ZNF576: variants seen among roughly 807,000 people sequenced by gnomAD.
The protein encoded by ZNF576 is zinc finger protein 576.
ZNF576 carries 9 observed loss-of-function variants against 10.8 expected under a neutral mutation model. The observed-to-expected ratio is 0.84, with a 90% confidence interval of 0.50 to 1.46. ZNF576 has a LOEUF of 1.46. ZNF576 is among the 40% of genes most tolerant of loss of function. ZNF576 has a pLI of 0.00. For missense variants in ZNF576, 191 were observed against 233.7 expected (o/e 0.82, Z 1.19); for synonymous variants, 88 against 89.6 (o/e 0.98, Z 0.10).
In ZNF576 at chr19:43,599,136, C is replaced by T. The variant is rs137898797; in HGVS notation, c.391C>T (p.Arg131Cys). ...GCAGGCTGTTTCTCTGAGGCGGCAC[C>T]GCCAGATGCATGAGGTCCGTGCCCC... The part of the protein sequence containing the change: ...FGQAVSLRRH[R>C]QMHEVRAPPG... The change falls in exon 3 of 3, where the codon CGC (arginine) becomes TGC (cysteine). Residue 131 changes from arginine (R) to cysteine (C), a missense_variant. By Grantham distance (180) the Arg-to-Cys change is radical (BLOSUM62 -3). Coordinates refer to ENST00000336564, the MANE Select transcript of ZNF576 (RefSeq NM_001145347.2). The T allele has an allele frequency of 5.0e-4, 809 of 1,614,240 alleles. No homozygotes were observed. The highest frequency in any genetic ancestry group is 6.5e-4 in the Non-Finnish European group (764 of 1,180,042).
In ZNF576 at chr19:43,597,130, G is replaced by C. The variant is rs1307907151; in HGVS notation, c.22G>C (p.Glu8Gln). 6.2e-7 allele frequency: 1 copy of C among 1,614,018 alleles called. No individual in the cohort carries two copies. Among genetic ancestry groups the C allele is most frequent in the African/African-American group, 1.3e-5 (1 of 74,910 alleles). Residue 8 changes from glutamate to glutamine, a missense_variant, in exon 2 of 3, where the codon GAG becomes CAG. Coordinates refer to ENST00000336564, the MANE Select transcript of ZNF576 (RefSeq NM_001145347.2). ...CACCATGGAGGACCCGAACCCTGAA[G>C]AGAACATGAAGCAGCAGGATTCACC... Reference protein sequence around the residue: MEDPNPEENMKQQDSPKE... With the variant: MEDPNPEQNMKQQDSPKE...
rs897187217 is a variant in ZNF576 at position 43,600,940 on chromosome 19, G to A, written c.*1682G>A. 7.9e-5 allele frequency: 12 copies of A among 152,168 alleles called. No individual in the cohort carries two copies. The highest frequency in any genetic ancestry group is 1.5e-4 in the Non-Finnish European group (10 of 68,046). 9.4% of individuals were successfully genotyped at this position (152,168 alleles called of 1,614,324 possible). On this transcript the variant is annotated 3_prime_UTR_variant, in exon 3 of 3. Coordinates refer to ENST00000336564, the MANE Select transcript of ZNF576 (RefSeq NM_001145347.2). The stretch of plus-strand genomic sequence containing the variant: ...GCCATCTCAGACCATAAGGATAAGA[G>A]CAACACGTGGGAAGACAGAGCAACA...
chr19:43,598,159 T>C (rs1973170339), intron 2 of ZNF576, among the ~76,000 whole-genome samples: 1 of 152,152 alleles, frequency 6.6e-6, no homozygotes, highest in South Asian at 2.1e-4. Context: ...GATAGGAGGA[T>C]GTTTGGTCAT....
rs764070357 is a variant in ZNF576, at chr19:43,599,073, C to A, written c.328C>A (p.Pro110Thr). ...TLPVATTTAQ[P>T]TFPCPDCGKT... ...GCCGGTTGCAACCACTACTGCCCAGCCCACCTTCCCTTGTCCTGACTGTGG... is the reference window on the plus strand; with the variant it reads ...GCCGGTTGCAACCACTACTGCCCAGACCACCTTCCCTTGTCCTGACTGTGG... Residue 110 changes from proline (P) to threonine (T), a missense_variant, in exon 3 of 3, where the codon CCC becomes ACC. Coordinates refer to ENST00000336564, the MANE Select transcript of ZNF576 (RefSeq NM_001145347.2). The A allele has an allele frequency of 1.9e-6, 3 of 1,614,254 alleles. No individual in the cohort carries two copies. Among genetic ancestry groups the A allele is most frequent in the Non-Finnish European group, 8.5e-7 (1 of 1,180,046 alleles).
At chr19:43,598,347 G>A (rs1356849957) in intron 2 of ZNF576, among the ~76,000 whole-genome samples, 1 of 152,136 alleles carries the variant, frequency 6.6e-6, no homozygotes, top group Non-Finnish European at 1.5e-5. Context: ...CCTGGATGTC[G>A]GGCTGGATTT....
chr19:43,597,048 G>GT, intron 1 of ZNF576, 46 bp from the exon 2 acceptor site: 1 of 1,571,574 alleles, frequency 6.4e-7, no homozygotes, highest in Non-Finnish European at 8.8e-7. Context: ...TCTAAGACTG[G>GT]TAACAGATGA....
Position 43,599,208 on chromosome 19 carries a change from G to C in ZNF576, c.463G>C (p.Glu155Gln). 1 of 1,614,226 alleles carries C rather than the reference G, an allele frequency of 6.2e-7. No individual in the cohort carries two copies. The highest frequency in any genetic ancestry group is 8.5e-7 in the Non-Finnish European group (1 of 1,180,038). Residue 155 changes from glutamate to glutamine, a missense_variant, in exon 3 of 3, where the codon GAA becomes CAA. Coordinates refer to ENST00000336564, the MANE Select transcript of ZNF576 (RefSeq NM_001145347.2). ...AGAGTGCGGTCAGGACTTTGCTCAGGAAGCAGGGCTGCATCAACACTACAT... is the reference window on the plus strand; with the variant it reads ...AGAGTGCGGTCAGGACTTTGCTCAGCAAGCAGGGCTGCATCAACACTACAT... The part of the protein sequence containing the change: ...CTECGQDFAQ[E>Q]AGLHQHYIRH...
rs756617351 is a variant in ZNF576 at position 43,599,280 on chromosome 19, G to A, written c.*22G>A. The A allele has an allele frequency of 1.7e-5, 27 of 1,595,300 alleles. No homozygotes were observed. The highest frequency in any genetic ancestry group is 1.7e-4 in the Middle Eastern group (1 of 6,024). On this transcript the variant is annotated 3_prime_UTR_variant, in exon 3 of 3. Coordinates refer to ENST00000336564, the MANE Select transcript of ZNF576 (RefSeq NM_001145347.2). ...CTGAGTGCAGCTTAAGCCTCTCCACGGTGACGGGTGGCTCTGTGGCTGGTA... is the reference window on the plus strand; with the variant it reads ...CTGAGTGCAGCTTAAGCCTCTCCACAGTGACGGGTGGCTCTGTGGCTGGTA...
Position 43,599,631 on chromosome 19 carries a change from T to C in ZNF576, c.*373T>C, listed in dbSNP as rs1476366486. 2 of 203,438 alleles carry C rather than the reference T, an allele frequency of 9.8e-6. No homozygotes were observed. The highest frequency in any genetic ancestry group is 2.0e-5 in the Non-Finnish European group (2 of 100,802). 12.6% of individuals were successfully genotyped at this position (203,438 alleles called of 1,614,324 possible). ...CATGGGCTATGGGAGCAAATTGCCCTGGACCTTTGCCTGAATGGGGGCAGG... is the reference window on the plus strand; with the variant it reads ...CATGGGCTATGGGAGCAAATTGCCCCGGACCTTTGCCTGAATGGGGGCAGG... On this transcript the variant is annotated 3_prime_UTR_variant, in exon 3 of 3. Coordinates refer to ENST00000336564, the MANE Select transcript of ZNF576 (RefSeq NM_001145347.2).
rs565116327 is a variant in ZNF576 at position 43,597,140 on chromosome 19, A to C, written c.32A>C (p.Lys11Thr). Residue 11 changes from lysine (K) to threonine (T), a missense_variant, in exon 2 of 3, where the codon AAG (lysine) becomes ACG (threonine). Physicochemically the swap from Lys to Thr is moderately conservative, Grantham distance 78 (BLOSUM62 -1). Coordinates refer to ENST00000336564, the MANE Select transcript of ZNF576 (RefSeq NM_001145347.2). ...GACCCGAACCCTGAAGAGAACATGA[A>C]GCAGCAGGATTCACCCAAGGAGAGA... Reference protein sequence around the residue: MEDPNPEENMKQQDSPKERSP... With the variant: MEDPNPEENMTQQDSPKERSP... 2.3e-5 allele frequency: 37 copies of C among 1,613,978 alleles called. No homozygotes were observed. Among genetic ancestry groups the C allele is most frequent in the Non-Finnish European group, 3.1e-5 (37 of 1,180,006 alleles).
Position 43,598,909 on chromosome 19 carries a change from G to A in ZNF576, c.164G>A (p.Arg55Gln), listed in dbSNP as rs1490971536. The A allele has an allele frequency of 3.7e-6, 6 of 1,611,546 alleles. No individual in the cohort carries two copies. The highest frequency in any genetic ancestry group is 2.2e-5 in the South Asian group (2 of 90,948). ...DSKFQERHMK[R>Q]EHPADFVAQK... ...AAGTTCCAGGAGCGTCACATGAAGC[G>A]GGAGCACCCAGCGGACTTCGTGGCC... The change falls in exon 3 of 3, where the codon CGG becomes CAG. Residue 55 changes from arginine to glutamine, a missense_variant. Coordinates refer to ENST00000336564, the MANE Select transcript of ZNF576 (RefSeq NM_001145347.2).
intron 2 of ZNF576, among the ~76,000 whole-genome samples, chr19:43,598,502 T>C (rs543016809): frequency 6.6e-6 from 1 of 152,104 alleles, no homozygotes; most frequent in Non-Finnish European, 1.5e-5. Flanking sequence ...GGAGGTGAGA[T>C]TCAATCCCAA....
chr19:43,596,842 A>G (rs1359088363), intron 1 of ZNF576, 99 bp downstream of exon 1: 1 of 350,198 alleles, frequency 2.9e-6, no homozygotes, highest in Non-Finnish European at 5.3e-6. Context: ...AGTTTGATGC[A>G]GCAGGTCATA....
Position 43,597,149 on chromosome 19 carries a change from A to T in ZNF576, c.41A>T (p.Asp14Val). Residue 14 changes from aspartate (D) to valine (V), a missense_variant, in exon 2 of 3, where the codon GAT becomes GTT. Transcript: ENST00000336564. ...PNPEENMKQQ[D>V]SPKERSPQSP... is the part of the protein sequence containing the mutation. ...CCTGAAGAGAACATGAAGCAGCAGG[A>T]TTCACCCAAGGAGAGAAGTCCCCAG... 6.8e-6 allele frequency: 11 copies of T among 1,614,092 alleles called. No individual in the cohort carries two copies. The highest frequency in any genetic ancestry group is 9.3e-6 in the Non-Finnish European group (11 of 1,179,984).
chr19:43,597,218 AGAG>A, intron 2 of ZNF576, 25 bp downstream of exon 2: 1 of 1,607,642 alleles, frequency 6.2e-7, no homozygotes, highest in Non-Finnish European at 8.5e-7. Flanking sequence ...CTGGCGGGCT[AGAG>A]GAGGGTGGGG....
Position 43,599,228 on chromosome 19 carries a change from C to A in ZNF576, c.483C>A (p.His161Gln). The A allele has an allele frequency of 6.2e-7, 1 of 1,614,050 alleles. No homozygotes were observed. The highest frequency in any genetic ancestry group is 1.1e-5 in the South Asian group (1 of 91,078). ...CTCAGGAAGCAGGGCTGCATCAACA[C>A]TACATTCGGCATGCCCGGGGGGAGC... ...DFAQEAGLHQ[H>Q]YIRHARGEL is the part of the protein sequence containing the mutation. Residue 161 changes from histidine to glutamine, a missense_variant, in exon 3 of 3, where the codon CAC (histidine) becomes CAA (glutamine). Coordinates refer to ENST00000336564, the MANE Select transcript of ZNF576 (RefSeq NM_001145347.2).
At chr19:43,598,710 A>G in intron 2 of ZNF576, 121 bp from the exon 3 acceptor site, 1 of 831,544 alleles carries the variant, frequency 1.2e-6, no homozygotes, top group Non-Finnish European at 1.9e-6. Context: ...GTTGTCCAGC[A>G]TTAGCATAGA....
rs968661571 is a variant in ZNF576, at chr19:43,600,396, T to C, written c.*1138T>C. On this transcript the variant is annotated 3_prime_UTR_variant, in exon 3 of 3. Coordinates refer to ENST00000336564, the MANE Select transcript of ZNF576 (RefSeq NM_001145347.2). ...ACTCTGTTTATGTTGAGGGATGTTT[T>C]TAAAGCCCACAGGTGAGGTGGATGT... 2.6e-5 allele frequency: 4 copies of C among 152,258 alleles called. No homozygotes were observed. Among genetic ancestry groups the C allele is most frequent in the African/African-American group, 9.6e-5 (4 of 41,466 alleles). The allele number at this position is 152,258 out of a possible 1,614,324, so 9.4% of individuals were successfully genotyped here.
Position 43,599,832 on chromosome 19 carries a change from T to C in ZNF576, c.*574T>C, listed in dbSNP as rs1418330574. On this transcript the variant is annotated 3_prime_UTR_variant, in exon 3 of 3. Coordinates refer to ENST00000336564, the MANE Select transcript of ZNF576 (RefSeq NM_001145347.2). ...CTGCCATCCTCACTTAGAGGGGCCA[T>C]GGCACTAGATGGCACTAGTCCCCCG... 2 of 152,764 alleles carry C rather than the reference T, an allele frequency of 1.3e-5. No individual in the cohort carries two copies. Among genetic ancestry groups the C allele is most frequent in the African/African-American group, 4.8e-5 (2 of 41,464 alleles). The allele number at this position is 152,764 out of a possible 1,614,324, so 9.5% of individuals were successfully genotyped here. A position where few individuals can be genotyped will look rare whatever the true frequency, so the allele number is the denominator to read the frequency against.
Sources: gnomAD v4.1 joint callset for allele counts (sites outside exome capture counted in the v4.1 genomes callset) on GRCh38, gnomAD v4.1.1 for gene constraint, MANE v1.5 for transcripts, NCBI Gene and HGNC (gene_info 2026-07-23, HGNC 2026-07-21) for gene names.